Variants in STK32A observed in about 807,000 individuals in gnomAD.
STK32A encodes serine/threonine-protein kinase 32A.
STK32A carries 41 observed loss-of-function variants against 53.2 expected under a neutral mutation model. The observed-to-expected ratio is 0.77, with a 90% confidence interval of 0.60 to 1.00. STK32A has a LOEUF of 1.00. Ranked by LOEUF, STK32A falls within the 50% of genes least tolerant of loss-of-function variation. The pLI, the probability that STK32A is intolerant of heterozygous loss-of-function variation, is 0.00. For missense variants in STK32A, 458 were observed against 485.8 expected, an observed-to-expected ratio of 0.94 and a Z score of 0.54; for synonymous variants, 166 against 162.8, an observed-to-expected ratio of 1.02 and a Z score of -0.15.
chr5:147,401,779 C>T, the STK32A span: 1 of 1,541,242 alleles, frequency 6.5e-7, no homozygotes, highest in Non-Finnish European at 8.8e-7. Context: ...AGCTCCTAAG[C>T]CTACCCAGGA....
chr5:147,256,167 C>T (rs1754226964), intron 2 of STK32A, among the ~76,000 whole-genome samples: 2 of 152,200 alleles, frequency 1.3e-5, no homozygotes, highest in Admixed American at 1.3e-4. Flanking sequence ...AATTCTTAAG[C>T]TCACTGCATC....
At chr5:147,373,344 C>A in intron 10 of STK32A, 50 bp downstream of exon 10, 1 of 1,603,306 alleles carries the variant, frequency 6.2e-7, no homozygotes, top group Non-Finnish European at 8.5e-7. Context: ...TGCGCATTAC[C>A]CGGTGTGCCA....
At chr5:147,340,162 C>T (rs1055163003) in intron 5 of STK32A, among the ~76,000 whole-genome samples, 24 of 152,134 alleles carry the variant, frequency 1.6e-4, no homozygotes, top group African/African-American at 5.8e-4. Flanking sequence ...CTTTTGTCAC[C>T]ATCTTGGTTT....
At chr5:147,290,055 T>C (rs1444576037) in intron 4 of STK32A, among the ~76,000 whole-genome samples, 2 of 152,216 alleles carry the variant, frequency 1.3e-5, no homozygotes, top group African/African-American at 2.4e-5. Flanking sequence ...ATTATGCATG[T>C]TGTACTTTTA....
At chr5:147,277,019 C>T (rs2151953827) in intron 2 of STK32A, among the ~76,000 whole-genome samples, 1 of 152,230 alleles carries the variant, frequency 6.6e-6, no homozygotes, top group East Asian at 1.9e-4. Context: ...ATGATTAAGT[C>T]ACATCATTAA....
chr5:147,258,130 G>A (rs1754317029), intron 2 of STK32A, among the ~76,000 whole-genome samples: 1 of 112,638 alleles, frequency 8.9e-6, no homozygotes, highest in Non-Finnish European at 1.9e-5. Context: ...TGACCATAAT[G>A]TATGATTCTT....
chr5:147,343,298 A>C, intron 6 of STK32A: 1 of 658,056 alleles, frequency 1.5e-6, no homozygotes, highest in Non-Finnish European at 2.8e-6. Context: ...CCACTACTAT[A>C]TTTCTTCAAG....
intron 4 of STK32A, among the ~76,000 whole-genome samples, chr5:147,312,585 G>T (rs1753756922): frequency 6.6e-6 from 1 of 152,148 alleles, no homozygotes. Context: ...GTTAAAGAAG[G>T]CATTCAAGGT....
intron 2 of STK32A, among the ~76,000 whole-genome samples, chr5:147,260,811 G>A (rs1754529990): frequency 6.6e-6 from 1 of 152,182 alleles, no homozygotes; most frequent in Non-Finnish European, 1.5e-5. Flanking sequence ...CCGCAGAGAG[G>A]ACCCACTCAC....
chr5:147,351,003 C>T, intron 6 of STK32A, 62 bp from the exon 7 acceptor site: 13 of 1,437,824 alleles, frequency 9.0e-6, no homozygotes, highest in Non-Finnish European at 1.3e-5. Context: ...CAGTTAAAAG[C>T]ATGATTGTGC....
At position 147,279,464 on chromosome 5, in the gene STK32A, C is replaced by T. The variant is rs568710824; in HGVS notation, c.260+66C>T. The T allele has an allele frequency of 3.5e-6, 5 of 1,435,542 alleles. No individual in the cohort carries two copies. In the Admixed American group the frequency reaches 6.5e-5, roughly 19 times the overall value. The allele number at this position is 1,435,542 out of a possible 1,614,324, so 88.9% of individuals were successfully genotyped here. A position where few individuals can be genotyped will look rare whatever the true frequency, so the allele number is the denominator to read the frequency against. ...TTATCGGTGGGCTAGGGGAGGTCCC[C>T]AAATGCCTCTGGGACCTCAGCCCTG... On this transcript the variant is annotated intron_variant, in intron 4 of 12. Transcript: ENST00000397936.
intron 3 of STK32A, 108 bp from the exon 4 acceptor site, chr5:147,279,139 C>T: frequency 9.5e-7 from 1 of 1,053,212 alleles, no homozygotes; most frequent in Non-Finnish European, 1.3e-6. Context: ...ATATAATTTG[C>T]AAATGTTAAG....
At chr5:147,339,929 T>C (rs1755323276) in intron 5 of STK32A, among the ~76,000 whole-genome samples, 1 of 152,208 alleles carries the variant, frequency 6.6e-6, no homozygotes, top group Non-Finnish European at 1.5e-5. Flanking sequence ...TGCCTTGTCT[T>C]AGATGAGACA....
chr5:147,315,472 A>C (rs79772038), intron 4 of STK32A, among the ~76,000 whole-genome samples: 1 of 152,180 alleles, frequency 6.6e-6, no homozygotes, highest in Non-Finnish European at 1.5e-5. Flanking sequence ...TAATCCAGAC[A>C]CAAAAGGACC....
At chr5:147,390,685 C>T (rs1009615162), downstream of STK32A, 3 of 152,112 alleles carry the variant, frequency 2.0e-5, no homozygotes, top group African/African-American at 7.2e-5. Flanking sequence ...AATTTTTCTC[C>T]AGACAACTCT....
At chr5:147,379,325 C>A (rs1757363439) in intron 11 of STK32A, among the ~76,000 whole-genome samples, 1 of 151,830 alleles carries the variant, frequency 6.6e-6, no homozygotes, top group African/African-American at 2.4e-5. Flanking sequence ...TCTATGTGTG[C>A]AACCATGATT....
At chr5:147,383,060 C>A in intron 11 of STK32A, 1 of 229,334 alleles carries the variant, frequency 4.4e-6, no homozygotes, top group Non-Finnish European at 8.4e-6. Context: ...GTGCTCAGCT[C>A]CCTCCCATGG....
chr5:147,351,145 C>A lies in STK32A; in HGVS notation c.553C>A (p.Pro185Thr). Residue 185 changes from proline to threonine, a missense_variant, in exon 7 of 13, where the codon CCT (proline) becomes ACT (threonine). Transcript: ENST00000397936. ...TQITTMAGTK[P>T]YMAPEMFSSR... ...GATTACCACCATGGCTGGCACCAAGCCTTACATGGGTATGGGTTTCATGAG... is the reference window on the plus strand; with the variant it reads ...GATTACCACCATGGCTGGCACCAAGACTTACATGGGTATGGGTTTCATGAG... The A allele has an allele frequency of 6.2e-7, 1 of 1,613,772 alleles. No individual in the cohort carries two copies. Among genetic ancestry groups the A allele is most frequent in the Non-Finnish European group, 8.5e-7 (1 of 1,179,716 alleles).
intron 4 of STK32A, among the ~76,000 whole-genome samples, chr5:147,290,903 A>G (rs752195291): frequency 3.3e-5 from 5 of 152,170 alleles, no homozygotes; most frequent in Non-Finnish European, 7.4e-5. Flanking sequence ...GGGTTTTAAG[A>G]AAAAAAGACA....
Sources: gnomAD v4.1 joint callset for allele counts (sites outside exome capture counted in the v4.1 genomes callset) on GRCh38, gnomAD v4.1.1 for gene constraint, MANE v1.5 for transcripts, NCBI Gene and HGNC (gene_info 2026-07-23, HGNC 2026-07-21) for gene names.